FRMD6: variants seen among roughly 807,000 people sequenced by gnomAD.
FRMD6 encodes FERM domain containing 6.
Under a neutral mutation model 73.2 loss-of-function variants are expected in FRMD6, and 37 were observed. The observed-to-expected ratio is 0.51, with a 90% confidence interval of 0.39 to 0.66. The LOEUF (loss-of-function observed/expected upper bound fraction) is 0.66, where lower values mean the gene tolerates loss of function less well. Among genes scored for constraint, FRMD6 ranks in the 30% least tolerant of loss-of-function variants. FRMD6 has a pLI of 0.00. For missense variants in FRMD6, 714 were observed against 780.5 expected (o/e 0.91, Z 1.02); for synonymous variants, 273 against 282.2 (o/e 0.97, Z 0.33).
At chr14:51,642,640 A>G (rs1228103475) in intron 2 of FRMD6, among the ~76,000 whole-genome samples, 3 of 152,160 alleles carry the variant, frequency 2.0e-5, no homozygotes, top group African/African-American at 7.2e-5. Flanking sequence ...TCTGTCAAAC[A>G]TGTTCCTGGT....
intron 1 of FRMD6, among the ~76,000 whole-genome samples, chr14:51,568,142 A>G (rs1887883784): frequency 6.6e-6 from 1 of 152,250 alleles, no homozygotes; most frequent in African/African-American, 2.4e-5. Context: ...TTCTAGAATA[A>G]AAATATCATA....
chr14:51,549,595 C>CTTTTTTTTTTTTTTTT (rs35356416), intron 1 of FRMD6, among the ~76,000 whole-genome samples: 33 of 98,014 alleles, frequency 3.4e-4, no homozygotes, highest in Non-Finnish European at 4.7e-4. Context: ...TTTTTTCTTT[C>CTTTTTTTTTTTTTTTT]TTTTTTTTTT....
chr14:51,636,731 GTGCT>G (rs1259596501), intron 2 of FRMD6, among the ~76,000 whole-genome samples: 1 of 152,164 alleles, frequency 6.6e-6, no homozygotes, highest in Non-Finnish European at 1.5e-5. Context: ...ACAAGGTAAG[GTGCT>G]TGTTTCCCCG....
intron 1 of FRMD6, among the ~76,000 whole-genome samples, chr14:51,669,678 A>G (rs1893856715): frequency 2.0e-5 from 3 of 152,070 alleles, no homozygotes; most frequent in South Asian, 2.1e-4. Context: ...TTTTTTGGCC[A>G]TATTTTTAAG....
the FRMD6 span, among the ~76,000 whole-genome samples, chr14:51,480,768 G>T: frequency 6.6e-6 from 1 of 152,172 alleles, no homozygotes; most frequent in African/African-American, 2.4e-5. Flanking sequence ...CAATGATATT[G>T]TGAGGCTTAA....
At chr14:51,704,395 G>GT (rs891936502) in intron 5 of FRMD6, among the ~76,000 whole-genome samples, 157 of 152,194 alleles carry the variant, frequency 1.0e-3, no homozygotes, top group African/African-American at 3.5e-3. Context: ...AGCAACATTA[G>GT]TACAGACAAC....
intron 5 of FRMD6, among the ~76,000 whole-genome samples, chr14:51,703,278 C>T (rs561505292): frequency 6.6e-6 from 1 of 152,008 alleles, no homozygotes; most frequent in Non-Finnish European, 1.5e-5. Context: ...AGAAAACTTT[C>T]AGAAGTGATT....
At chr14:51,705,640 A>G (rs1896582086) in intron 6 of FRMD6, among the ~76,000 whole-genome samples, 1 of 152,124 alleles carries the variant, frequency 6.6e-6, no homozygotes, top group Non-Finnish European at 1.5e-5. Context: ...TTTCCTTCTC[A>G]GTAAAGCATC....
chr14:51,671,940 C>T (rs984769881), intron 1 of FRMD6, among the ~76,000 whole-genome samples: 1 of 152,154 alleles, frequency 6.6e-6, no homozygotes, highest in Non-Finnish European at 1.5e-5. Context: ...AAATTTAATT[C>T]GAGCAAACTT....
At chr14:51,657,009 T>C (rs563330248) in intron 1 of FRMD6, among the ~76,000 whole-genome samples, 14 of 152,336 alleles carry the variant, frequency 9.2e-5, no homozygotes, top group African/African-American at 3.4e-4. Context: ...AAACAATATT[T>C]TGAATTAATT....
intron 2 of FRMD6, among the ~76,000 whole-genome samples, chr14:51,584,747 C>T (rs536996151): frequency 2.2e-4 from 34 of 151,898 alleles, no homozygotes; most frequent in African/African-American, 3.4e-4. Flanking sequence ...TAGTTTCTTT[C>T]GCTGCCAATC....
chr14:51,721,856 A>G (rs1897636278), intron 11 of FRMD6, 93 bp from the exon 12 acceptor site: 2 of 1,438,002 alleles, frequency 1.4e-6, no homozygotes, highest in Non-Finnish European at 1.9e-6. Context: ...TTCAAATAGG[A>G]ATAATTACAT....
intron 2 of FRMD6, among the ~76,000 whole-genome samples, chr14:51,641,244 G>T (rs1251128374): frequency 3.3e-5 from 5 of 152,160 alleles, no homozygotes; most frequent in African/African-American, 1.2e-4. Context: ...GCCTCCCAAA[G>T]TGCTGGGATT....
At chr14:51,509,809 A>G (rs1453025298) in intron 1 of FRMD6, among the ~76,000 whole-genome samples, 1 of 151,972 alleles carries the variant, frequency 6.6e-6, no homozygotes, top group Non-Finnish European at 1.5e-5. Context: ...GTATTTTGGT[A>G]GAGATGGGAT....
chr14:51,492,454 C>G (rs1260666259), intron 1 of FRMD6, among the ~76,000 whole-genome samples: 1 of 152,040 alleles, frequency 6.6e-6, no homozygotes, highest in Non-Finnish European at 1.5e-5. Context: ...AGGTCAGCCT[C>G]CTTAGCACCG....
intron 1 of FRMD6, among the ~76,000 whole-genome samples, chr14:51,565,832 A>T (rs1010604657): frequency 1.3e-5 from 2 of 152,140 alleles, no homozygotes; most frequent in African/African-American, 4.8e-5. Flanking sequence ...AGGAAAGTTT[A>T]ATGGATCTCT....
intron 1 of FRMD6, among the ~76,000 whole-genome samples, chr14:51,511,569 A>G (rs1429188123): frequency 6.6e-6 from 1 of 152,196 alleles, no homozygotes; most frequent in Non-Finnish European, 1.5e-5. Context: ...AGAGGGAAAA[A>G]TTGAAACAAA....
At chr14:51,568,661 A>C (rs1405577080) in intron 1 of FRMD6, among the ~76,000 whole-genome samples, 2 of 152,142 alleles carry the variant, frequency 1.3e-5, no homozygotes, top group Non-Finnish European at 2.9e-5. Context: ...TTTGTGAGTG[A>C]AGGAGAAGTA....
At chr14:51,452,763 T>C in the FRMD6 span, among the ~76,000 whole-genome samples, 1 of 152,116 alleles carries the variant, frequency 6.6e-6, no homozygotes, top group African/African-American at 2.4e-5. Flanking sequence ...CAGGCTGAGA[T>C]GGAACAGTCA....
Sources: gnomAD v4.1 joint callset for allele counts (sites outside exome capture counted in the v4.1 genomes callset) on GRCh38, gnomAD v4.1.1 for gene constraint, MANE v1.5 for transcripts, NCBI Gene and HGNC (gene_info 2026-07-23, HGNC 2026-07-21) for gene names.